THSD7A: variants seen among roughly 807,000 people sequenced by gnomAD.
THSD7A encodes the protein thrombospondin type 1 domain containing 7A.
A neutral mutation model predicts 231.3 loss-of-function variants in THSD7A; 96 were observed. That is an observed-to-expected ratio of 0.41 (90% CI 0.35 to 0.49). The LOEUF (loss-of-function observed/expected upper bound fraction) is 0.49. THSD7A is among the 20% of genes least tolerant of loss of function. THSD7A has a pLI of 0.05. For missense variants in THSD7A, 2,290 were observed against 2,070.2 expected (o/e 1.11, Z -2.06); for synonymous variants, 940 against 743.3 (o/e 1.26, Z -4.30).
intron 1 of THSD7A, among the ~76,000 whole-genome samples, chr7:11,781,762 A>G (rs761751945): frequency 9.9e-5 from 15 of 152,238 alleles, no homozygotes; most frequent in Non-Finnish European, 2.2e-4. Flanking sequence ...AATTTCTCCT[A>G]TTTTGAAAAA....
At chr7:11,791,429 T>G (rs60390705) in intron 1 of THSD7A, among the ~76,000 whole-genome samples, 3 of 151,936 alleles carry the variant, frequency 2.0e-5, no homozygotes, top group Non-Finnish European at 2.9e-5. Context: ...TTCTGGAGCA[T>G]AAGCAGTAAG....
chr7:11,800,206 T>C (rs954288590), intron 1 of THSD7A, among the ~76,000 whole-genome samples: 7 of 152,116 alleles, frequency 4.6e-5, no homozygotes, highest in Admixed American at 3.3e-4. Context: ...CTGCTGTCCA[T>C]GGACATTTGG....
At chr7:11,624,464 T>G (rs1781416327) in intron 2 of THSD7A, among the ~76,000 whole-genome samples, 1 of 152,148 alleles carries the variant, frequency 6.6e-6, no homozygotes, top group Admixed American at 6.6e-5. Context: ...CCCTTACAGA[T>G]AACCTGCTCA....
chr7:11,469,932 C>G lies in THSD7A; in HGVS notation c.2315G>C (p.Cys772Ser), dbSNP rs1785867664. ...CCAGTCACTATATGGGGTCACAATA[C>G]AGTCCTTCTTACAAGGAAGCAGACA... ...RPCLLPCKKDCIVTPYSDWTS... is the reference protein window; with the variant it reads ...RPCLLPCKKDSIVTPYSDWTS... Residue 772 changes from cysteine to serine, a missense_variant, in exon 9 of 28, where the codon TGT becomes TCT. Physicochemically the swap from Cys to Ser is moderately radical, Grantham distance 112 (BLOSUM62 -1). Coordinates refer to ENST00000423059, the MANE Select transcript of THSD7A (RefSeq NM_015204.3). 1 of 1,603,720 alleles carries G rather than the reference C, an allele frequency of 6.2e-7. No individual in the cohort carries two copies. The highest frequency in any genetic ancestry group is 1.3e-5 in the African/African-American group (1 of 74,906).
intron 1 of THSD7A, among the ~76,000 whole-genome samples, chr7:11,719,294 G>T (rs1781261476): frequency 6.6e-6 from 1 of 151,346 alleles, no homozygotes; most frequent in African/African-American, 2.4e-5. Flanking sequence ...GTTCTCTCAG[G>T]TGACTTCTTT....
intron 1 of THSD7A, among the ~76,000 whole-genome samples, chr7:11,698,827 TC>T (rs548673426): frequency 5.9e-4 from 89 of 151,538 alleles, no homozygotes; most frequent in African/African-American, 2.1e-3. Context: ...AACTAACAGT[TC>T]TCATCATTTT....
At chr7:11,722,405 G>T (rs956604215) in intron 1 of THSD7A, among the ~76,000 whole-genome samples, 1 of 151,834 alleles carries the variant, frequency 6.6e-6, no homozygotes, top group Non-Finnish European at 1.5e-5. Flanking sequence ...GATAACATCA[G>T]TATTGTGGAA....
intron 4 of THSD7A, among the ~76,000 whole-genome samples, chr7:11,556,421 A>C (rs1034839205): frequency 1.3e-5 from 2 of 151,706 alleles, no homozygotes; most frequent in African/African-American, 4.8e-5. Context: ...ATTTGTAATA[A>C]ATTGTTTTAA....
chr7:11,743,205 C>T (rs1050271043), intron 1 of THSD7A, among the ~76,000 whole-genome samples: 6 of 151,754 alleles, frequency 4.0e-5, no homozygotes, highest in Non-Finnish European at 5.9e-5. Context: ...CTTAGCAATG[C>T]GTTATTGACT....
rs771296070 is a variant in THSD7A, at chr7:11,474,306, T to C, written c.2252+28A>G. The C allele has an allele frequency of 3.5e-5, 55 of 1,578,096 alleles. No individual in the cohort carries two copies. The Middle Eastern group carries it at 1.5e-3, about 44-fold the overall frequency. ...ATCCTCTGCACAGGTGGCTACACGA[T>C]TTACTGTTGTCATTCTAAAGCTCTT... On this transcript the variant is annotated intron_variant, in intron 8 of 27. Coordinates refer to ENST00000423059, the MANE Select transcript of THSD7A (RefSeq NM_015204.3). This position sits in a 1 kb window ranked among gnomAD's most constrained non-coding sequence, Gnocchi z 4.1.
At chr7:11,533,681 G>C (rs1040922794) in intron 6 of THSD7A, among the ~76,000 whole-genome samples, 2 of 152,106 alleles carry the variant, frequency 1.3e-5, no homozygotes, top group Admixed American at 1.3e-4. Flanking sequence ...ATAAGTGGGA[G>C]GTGAACAATG....
intron 24 of THSD7A, among the ~76,000 whole-genome samples, chr7:11,381,373 T>C (rs1038521394): frequency 6.6e-6 from 1 of 152,110 alleles, no homozygotes; most frequent in Non-Finnish European, 1.5e-5. Context: ...AAGAAAAAAA[T>C]TGACATCCTG....
intron 24 of THSD7A, among the ~76,000 whole-genome samples, chr7:11,380,558 A>C (rs1782470521): frequency 6.6e-6 from 1 of 152,192 alleles, no homozygotes; most frequent in Admixed American, 6.6e-5. Flanking sequence ...CAAAATACTC[A>C]TAGAAAAATT....
Position 11,524,502 on chromosome 7 carries a change from C to T in THSD7A, c.1822+16917G>A, listed in dbSNP as rs556416768. Among the ~76,000 whole-genome samples, 20 of 152,246 alleles carry T rather than the reference C, an allele frequency of 1.3e-4. No homozygotes were observed. The South Asian group carries it at 4.1e-3, about 32-fold the overall frequency. On this transcript the variant is annotated intron_variant, in intron 6 of 27. Coordinates refer to ENST00000423059, the MANE Select transcript of THSD7A (RefSeq NM_015204.3). ...CCTTTAAGTTGAAACTAATTCCCTTCGGATGAATAATATTTTTTGGATGGT... is the reference window on the plus strand; with the variant it reads ...CCTTTAAGTTGAAACTAATTCCCTTTGGATGAATAATATTTTTTGGATGGT...
In THSD7A at chr7:11,590,536, G is replaced by T; in HGVS notation, c.1377C>A (p.Ile459=). 1 of 1,613,882 alleles carries T rather than the reference G, an allele frequency of 6.2e-7. No homozygotes were observed. Among genetic ancestry groups the T allele is most frequent in the African/African-American group, 1.3e-5 (1 of 75,018 alleles). The change falls in exon 4 of 28, where the codon ATC becomes ATA. Residue 459 remains isoleucine (I), a synonymous_variant. Coordinates refer to ENST00000423059, the MANE Select transcript of THSD7A (RefSeq NM_015204.3). The surrounding 1 kb of genome is among the most constrained non-coding windows in gnomAD (Gnocchi z 4.4). The stretch of plus-strand genomic sequence containing the variant: ...GCACGCAGTACACCTCTCGGGTCTG[G>T]ATGCCCCCTCCACAGAGGGCCGTCT... ...GNQTALCGGG[I]QTREVYCVQA...
At chr7:11,424,616 G>A in intron 16 of THSD7A, 80 bp downstream of exon 16, 1 of 1,570,330 alleles carries the variant, frequency 6.4e-7, no homozygotes, top group Non-Finnish European at 8.7e-7. Flanking sequence ...CTGGGGAGGA[G>A]TGAACAGTCA....
At chr7:11,588,008 G>A (rs555045709) in intron 4 of THSD7A, among the ~76,000 whole-genome samples, 1 of 152,272 alleles carries the variant, frequency 6.6e-6, no homozygotes, top group Non-Finnish European at 1.5e-5. Flanking sequence ...AGTTCTTTAA[G>A]TAAAACTGAG....
chr7:11,756,315 C>G (rs531118256), intron 1 of THSD7A, among the ~76,000 whole-genome samples: 1 of 151,980 alleles, frequency 6.6e-6, no homozygotes, highest in Non-Finnish European at 1.5e-5. Flanking sequence ...CTTCTAGGGT[C>G]AAGACTGGAT....
chr7:11,593,883 T>C (rs1219487711), intron 2 of THSD7A, among the ~76,000 whole-genome samples: 2 of 152,168 alleles, frequency 1.3e-5, no homozygotes, highest in Non-Finnish European at 2.9e-5. Flanking sequence ...ATCAAGTAAA[T>C]ATGCCTGCGT....
Sources: gnomAD v4.1 joint callset for allele counts (sites outside exome capture counted in the v4.1 genomes callset) on GRCh38, gnomAD v4.1.1 for gene constraint, Gnocchi (gnomAD v3.1) non-coding constraint, MANE v1.5 for transcripts, NCBI Gene and HGNC (gene_info 2026-07-23, HGNC 2026-07-21) for gene names.